Variants in BICD1 observed in about 807,000 individuals in gnomAD.
BICD1 encodes the protein BICD cargo adaptor 1, also known as protein bicaudal D homolog 1.
In BICD1, 35 loss-of-function variants were observed where a neutral mutation model predicts 92.5. The ratio of observed to expected loss-of-function variants is 0.38; its 90% CI spans 0.29 to 0.50. The LOEUF (loss-of-function observed/expected upper bound fraction) is 0.50. Ranked by LOEUF, BICD1 falls within the 20% of genes least tolerant of loss-of-function variation. The pLI is 0.93. For missense variants in BICD1, 950 were observed against 1,189.8 expected, an observed-to-expected ratio of 0.80 and a Z score of 2.97; for synonymous variants, 429 against 465.1, an observed-to-expected ratio of 0.92 and a Z score of 1.00.
At chr12:32,301,946 G>A (rs1309591056) in intron 3 of BICD1, among the ~76,000 whole-genome samples, 3 of 152,104 alleles carry the variant, frequency 2.0e-5, no homozygotes, top group African/African-American at 7.2e-5. Context: ...GAGTGCAGTG[G>A]CGCGATCTCG....
chr12:32,142,405 TAAAAAAAAAA>T (rs1162662533), intron 1 of BICD1, among the ~76,000 whole-genome samples: 3 of 63,392 alleles, frequency 4.7e-5, no homozygotes, highest in Middle Eastern at 0.01. Flanking sequence ...AGACTCTGTC[TAAAAAAAAAA>T]AAAAAAAAAA....
intron 1 of BICD1, among the ~76,000 whole-genome samples, chr12:32,153,787 G>GTGTACATATATATATATATATA: frequency 6.7e-6 from 1 of 149,160 alleles, no homozygotes; most frequent in Non-Finnish European, 1.5e-5. Flanking sequence ...ATATATGTGT[G>GTGTACATATATATATATATATA]TGTGTGTGTG....
chr12:32,120,486 G>A (rs1170871486), intron 1 of BICD1, among the ~76,000 whole-genome samples: 2 of 152,288 alleles, frequency 1.3e-5, no homozygotes, highest in East Asian at 3.9e-4. Flanking sequence ...CTTGCATACT[G>A]CAGAGTAATG....
chr12:32,127,241 C>T (rs1942379154), intron 1 of BICD1, among the ~76,000 whole-genome samples: 1 of 152,084 alleles, frequency 6.6e-6, no homozygotes, highest in African/African-American at 2.4e-5. Context: ...GTCATAAAAA[C>T]ATGCACCTAT....
chr12:32,155,172 G>A (rs969760391), intron 1 of BICD1, among the ~76,000 whole-genome samples: 8 of 152,024 alleles, frequency 5.3e-5, no homozygotes, highest in Non-Finnish European at 1.0e-4. Flanking sequence ...TGTAGACTTC[G>A]TCCACAGCTG....
At position 32,165,254 on chromosome 12, in the gene BICD1, G is replaced by A. The variant is rs1376594149; in HGVS notation, c.214-50993G>A. On this transcript the variant is annotated intron_variant, in intron 1 of 9. Transcript: ENST00000652176. ...GAGTTGGCCGGGCGCGGTGGCTCAT[G>A]CCTGTAATCCCAGCACTTTGGGAGG... Among the ~76,000 whole-genome samples the A allele has an allele frequency of 5.3e-5, 8 of 152,292 alleles. No homozygotes were observed. The South Asian group carries it at 1.2e-3, about 24-fold the overall frequency.
Position 32,175,471 on chromosome 12 carries a change from CA to C in BICD1, c.214-40774del, listed in dbSNP as rs546432310. ...AGCTGGGATTACAGGTGCACGCCAC[CA>C]AGCCCAGCTAATTTTTGTATTTTTA... On this transcript the variant is annotated intron_variant, in intron 1 of 9. Coordinates refer to ENST00000652176, the MANE Select transcript of BICD1 (RefSeq NM_001714.4). Among the ~76,000 whole-genome samples the C allele has an allele frequency of 1.9e-3, 290 of 152,248 alleles. 1 individual carries two copies. Among genetic ancestry groups the C allele is most frequent in the African/African-American group, 6.8e-3 (282 of 41,546 alleles).
At chr12:32,120,237 G>T (rs968174325) in intron 1 of BICD1, among the ~76,000 whole-genome samples, 1 of 151,990 alleles carries the variant, frequency 6.6e-6, no homozygotes, top group Non-Finnish European at 1.5e-5. Context: ...TGTTCTTTTG[G>T]TTGTACATCT....
intron 8 of BICD1, among the ~76,000 whole-genome samples, chr12:32,354,806 T>A (rs1939036847): frequency 6.6e-6 from 1 of 152,236 alleles, no homozygotes; most frequent in African/African-American, 2.4e-5. Flanking sequence ...TCCTAGCTAC[T>A]GTTAATATTT....
Position 32,381,554 on chromosome 12 carries a change from G to A in BICD1, c.*3927G>A, listed in dbSNP as rs1473368748. ...TAAAGTTCTCTACATGTCTCAAATG[G>A]AGATCACAAAACATGAAAAGGAAGA... On this transcript the variant is annotated 3_prime_UTR_variant, in exon 10 of 10. Transcript: ENST00000652176. 4.6e-5 allele frequency: 7 copies of A among 152,016 alleles called. No individual in the cohort carries two copies. The highest frequency in any genetic ancestry group is 1.4e-4 in the African/African-American group (6 of 41,412). 9.4% of individuals were successfully genotyped at this position (152,016 alleles called of 1,614,324 possible).
chr12:32,176,822 G>A (rs1944102619), intron 1 of BICD1, among the ~76,000 whole-genome samples: 1 of 151,980 alleles, frequency 6.6e-6, no homozygotes, highest in South Asian at 2.1e-4. Flanking sequence ...ACCTGTTGAT[G>A]GACATTTGAG....
chr12:32,331,566 G>C (rs918167433), intron 5 of BICD1, among the ~76,000 whole-genome samples: 1 of 152,084 alleles, frequency 6.6e-6, no homozygotes, highest in Non-Finnish European at 1.5e-5. Context: ...ATTTACTTAT[G>C]TTTCATGTAT....
At chr12:32,197,023 CTT>C (rs1277860754) in intron 1 of BICD1, among the ~76,000 whole-genome samples, 13 of 143,952 alleles carry the variant, frequency 9.0e-5, no homozygotes, top group Non-Finnish European at 7.7e-5. Context: ...CAAGATTTTA[CTT>C]TTTTTTTTTT....
At chr12:32,142,321 G>A (rs555938588) in intron 1 of BICD1, among the ~76,000 whole-genome samples, 3 of 143,886 alleles carry the variant, frequency 2.1e-5, no homozygotes, top group Middle Eastern at 3.8e-3. Context: ...CAGGAGAATC[G>A]CTTGAACCTG....
chr12:32,376,622 C>T (rs995804435), intron 9 of BICD1, among the ~76,000 whole-genome samples: 5 of 151,618 alleles, frequency 3.3e-5, no homozygotes, highest in African/African-American at 4.8e-5. Flanking sequence ...AATCCCAACA[C>T]TTGGGGAGGC....
Position 32,153,367 on chromosome 12 carries a change from C to T in BICD1, c.213+45823C>T, listed in dbSNP as rs557388088. 1.6e-4 allele frequency among the ~76,000 whole-genome samples: 24 copies of T among 152,148 alleles called. No individual in the cohort carries two copies. In the East Asian group the frequency reaches 1.7e-3, roughly 11 times the overall value. On this transcript the variant is annotated intron_variant, in intron 1 of 9. Transcript: ENST00000652176. ...GTCTTTGCTATTGTGAATAGTGCTG[C>T]GATAAACATGTGAGTGCCCTTGTCT...
intron 3 of BICD1, among the ~76,000 whole-genome samples, chr12:32,300,908 C>A (rs1948026767): frequency 6.6e-6 from 1 of 152,024 alleles, no homozygotes; most frequent in African/African-American, 2.4e-5. Context: ...ACCCCAGCCT[C>A]CCAAAGTGCT....
chr12:32,143,427 T>A (rs1943007627), intron 1 of BICD1, among the ~76,000 whole-genome samples: 1 of 152,236 alleles, frequency 6.6e-6, no homozygotes, highest in Non-Finnish European at 1.5e-5. Flanking sequence ...ATTGCATATA[T>A]TATTTAATGC....
At chr12:32,117,737 T>C (rs28743143) in intron 1 of BICD1, among the ~76,000 whole-genome samples, 13,575 of 124,216 alleles carry the variant, frequency 0.11, 879 homozygotes, top group East Asian at 0.21. Context: ...CACACACACA[T>C]ATATATATAT....
Sources: gnomAD v4.1 joint callset for allele counts (sites outside exome capture counted in the v4.1 genomes callset) on GRCh38, gnomAD v4.1.1 for gene constraint, MANE v1.5 for transcripts, NCBI Gene and HGNC (gene_info 2026-07-23, HGNC 2026-07-21) for gene names.